PKHD1: variants seen among roughly 807,000 people sequenced by gnomAD.
PKHD1 encodes the protein PKHD1 ciliary IPT domain containing fibrocystin/polyductin.
PKHD1 carries 291 observed loss-of-function variants against 412.0 expected under a neutral mutation model. The ratio of observed to expected loss-of-function variants is 0.71; its 90% confidence interval spans 0.64 to 0.78. The LOEUF is 0.78. Among genes scored for constraint, PKHD1 ranks in the 30% least tolerant of loss-of-function variants. The pLI is 0.00. For missense variants in PKHD1, 4,825 were observed against 4,950.7 expected (o/e 0.97, Z 0.76); for synonymous variants, 1,777 against 1,821.5 (o/e 0.98, Z 0.62).
chr6:51,832,175 T>A (rs1434927832), intron 51 of PKHD1, among the ~76,000 whole-genome samples: 1 of 152,144 alleles, frequency 6.6e-6, no homozygotes, highest in Non-Finnish European at 1.5e-5. Flanking sequence ...ATAAAAACTC[T>A]ACACAGGCAC....
At chr6:51,949,875 A>G (rs534892408) in intron 36 of PKHD1, among the ~76,000 whole-genome samples, 8 of 152,252 alleles carry the variant, frequency 5.3e-5, no homozygotes, top group African/African-American at 1.7e-4. Flanking sequence ...CACACACAGA[A>G]GCAGAGGCTG....
At chr6:52,044,453 T>C (rs888864295) in intron 25 of PKHD1, among the ~76,000 whole-genome samples, 1 of 152,190 alleles carries the variant, frequency 6.6e-6, no homozygotes, top group Non-Finnish European at 1.5e-5. Context: ...TTTCATTTTT[T>C]CCATAAAGAC....
chr6:51,717,859 A>G (rs2150803318), intron 60 of PKHD1, among the ~76,000 whole-genome samples: 1 of 152,334 alleles, frequency 6.6e-6, no homozygotes, highest in East Asian at 1.9e-4. Flanking sequence ...TGAGTTCAAA[A>G]AGATGGATCT....
intron 36 of PKHD1, among the ~76,000 whole-genome samples, chr6:51,942,657 C>T (rs1788772036): frequency 6.6e-6 from 1 of 151,420 alleles, no homozygotes; most frequent in Admixed American, 6.6e-5. Context: ...TCCATATTTC[C>T]TTCTTTCCTG....
At chr6:52,063,312 C>T (rs550575460) in intron 13 of PKHD1, among the ~76,000 whole-genome samples, 2 of 152,294 alleles carry the variant, frequency 1.3e-5, no homozygotes, top group South Asian at 4.2e-4. Context: ...GGAATCCCAG[C>T]TAGACGTGTA....
At chr6:51,824,068 A>T (rs1766921489) in intron 52 of PKHD1, among the ~76,000 whole-genome samples, 1 of 152,228 alleles carries the variant, frequency 6.6e-6, no homozygotes, top group South Asian at 2.1e-4. Context: ...AGTTTGGGCA[A>T]TAATCTTAAC....
chr6:51,756,558 T>C (rs2151030512), intron 55 of PKHD1, among the ~76,000 whole-genome samples: 1 of 152,300 alleles, frequency 6.6e-6, no homozygotes, highest in Non-Finnish European at 1.5e-5. Context: ...AGTATTTTGT[T>C]GAAGAGCACT....
Position 51,748,548 on chromosome 6 carries a change from C to A in PKHD1, c.9068G>T (p.Ser3023Ile). 2 of 1,613,734 alleles carry A rather than the reference C, an allele frequency of 1.2e-6. No homozygotes were observed. Among genetic ancestry groups the A allele is most frequent in the Non-Finnish European group, 1.7e-6 (2 of 1,179,786 alleles). The change falls in exon 58 of 67, where the codon AGC becomes ATC. Residue 3023 changes from serine (S) to isoleucine (I), a missense_variant. Ser to Ile is a moderately radical substitution (Grantham distance 142, BLOSUM62 -2). Coordinates refer to ENST00000371117, the MANE Select transcript of PKHD1 (RefSeq NM_138694.4). ...SWIISSTLHQ[S>I]CGGGIHAAAS... The stretch of plus-strand genomic sequence containing the variant: ...AGCTGCATGAATGCCCCCGCCACAG[C>A]TCTGGTGCAGAGTAGATGATATGAT...
Position 51,912,520 on chromosome 6 carries a change from T to C in PKHD1, c.6178A>G (p.Thr2060Ala), listed in dbSNP as rs1489217726. ...CLRATAHALD[T>A]VLALEDAVDW... is the part of the protein sequence containing the mutation. ...ACAGCATCTTCTAAAGCCAGCACTG[T>C]GTCTAGGGCATGGGCAGTTGCTCTA... Residue 2060 changes from threonine (T) to alanine (A), a missense_variant, in exon 38 of 67, where the codon ACA becomes GCA. Coordinates refer to ENST00000371117, the MANE Select transcript of PKHD1 (RefSeq NM_138694.4). 2 of 1,613,272 alleles carry C rather than the reference T, an allele frequency of 1.2e-6. No individual in the cohort carries two copies. The highest frequency in any genetic ancestry group is 2.7e-5 in the African/African-American group (2 of 74,872).
At position 52,033,240 on chromosome 6, in the gene PKHD1, T is replaced by C. The variant is rs552951551; in HGVS notation, c.3229-75A>G. ...ACTGACTTAAGGGAAGAGAACTCCA[T>C]ATAGAATTAGTTTTAAAAGTTAATT... On this transcript the variant is annotated intron_variant, in intron 28 of 66. Transcript: ENST00000371117. The C allele has an allele frequency of 4.3e-6, 5 of 1,157,084 alleles. No homozygotes were observed. In the African/African-American group the frequency reaches 4.6e-5, roughly 11 times the overall value. 71.7% of individuals were successfully genotyped at this position (1,157,084 alleles called of 1,614,324 possible). A position where few individuals can be genotyped will look rare whatever the true frequency, so the allele number is the denominator to read the frequency against.
chr6:51,945,488 G>A (rs569350553), intron 36 of PKHD1, among the ~76,000 whole-genome samples: 42 of 152,292 alleles, frequency 2.8e-4, no homozygotes, highest in African/African-American at 8.7e-4. Context: ...AACACTTGAC[G>A]TCTACATCTT....
At chr6:51,869,961 CCTCCAAGTTATTT>C (rs775825126) in intron 47 of PKHD1, among the ~76,000 whole-genome samples, 6 of 152,114 alleles carry the variant, frequency 3.9e-5, no homozygotes, top group Non-Finnish European at 7.4e-5. Flanking sequence ...GCCCATGAGT[CCTCCAAGTTATTT>C]CTTACCACCT....
chr6:51,770,107 T>A (rs894923367), intron 55 of PKHD1, among the ~76,000 whole-genome samples: 1 of 151,776 alleles, frequency 6.6e-6, no homozygotes, highest in Admixed American at 6.6e-5. Flanking sequence ...CATGTTCTTC[T>A]TGTTTTCTTT....
intron 35 of PKHD1, among the ~76,000 whole-genome samples, chr6:51,990,769 C>T (rs760937911): frequency 2.0e-5 from 3 of 148,376 alleles, no homozygotes; most frequent in Non-Finnish European, 3.0e-5. Flanking sequence ...CATTCACTAG[C>T]TTTTTTTTTT....
chr6:51,816,618 T>C (rs1393239844), intron 52 of PKHD1, among the ~76,000 whole-genome samples: 1 of 152,230 alleles, frequency 6.6e-6, no homozygotes, highest in Non-Finnish European at 1.5e-5. Context: ...AAACAGACTG[T>C]AACCTACTCT....
chr6:51,786,454 G>T (rs1250753984), intron 53 of PKHD1, among the ~76,000 whole-genome samples: 1 of 152,054 alleles, frequency 6.6e-6, no homozygotes, highest in Non-Finnish European at 1.5e-5. Flanking sequence ...ATATAATCAT[G>T]TCACTTCCTT....
chr6:51,721,596 T>C (rs1385066513), intron 60 of PKHD1: 6 of 1,045,070 alleles, frequency 5.7e-6, no homozygotes, highest in African/African-American at 3.4e-5. Context: ...CTCTCTCATA[T>C]AGTGGGTACC....
chr6:51,887,884 C>G (rs1414314475), intron 43 of PKHD1, among the ~76,000 whole-genome samples: 2 of 152,234 alleles, frequency 1.3e-5, no homozygotes, highest in Non-Finnish European at 2.9e-5. Flanking sequence ...GCCAGCTCAA[C>G]TAGACTGCAA....
chr6:51,622,502 C>T (rs938857297), intron 66 of PKHD1: 26 of 152,100 alleles, frequency 1.7e-4, no homozygotes, highest in Admixed American at 1.7e-3. Flanking sequence ...TCTCATTTGT[C>T]AATAATGGGC....
Sources: allele counts gnomAD v4.1 joint callset (sites outside exome capture counted in the v4.1 genomes callset), GRCh38; gene constraint gnomAD v4.1.1; transcripts MANE v1.5; gene names NCBI Gene and HGNC (gene_info 2026-07-23, HGNC 2026-07-21).